CNTLN: variants seen among roughly 807,000 people sequenced by gnomAD.
The protein encoded by CNTLN is centlein.
In CNTLN, 212 loss-of-function variants were observed where a neutral mutation model predicts 180.0. The ratio of observed to expected loss-of-function variants is 1.18; its 90% confidence interval spans 1.05 to 1.32. The LOEUF (loss-of-function observed/expected upper bound fraction) is 1.32. Among genes scored for constraint, CNTLN ranks in the 40% most tolerant of loss-of-function variants. The pLI, the probability that CNTLN is intolerant of heterozygous loss-of-function variation, is 0.00. For missense variants in CNTLN, 2,095 were observed against 1,610.9 expected (o/e 1.30, Z -5.14); for synonymous variants, 722 against 563.1 (o/e 1.28, Z -3.99).
At chr9:17,254,005 A>G (rs1257998203) in intron 5 of CNTLN, among the ~76,000 whole-genome samples, 2 of 151,656 alleles carry the variant, frequency 1.3e-5, no homozygotes, top group Non-Finnish European at 3.0e-5. Flanking sequence ...GAATTTTATC[A>G]TGATTTTTCT....
chr9:17,377,650 G>C (rs2133556654), intron 13 of CNTLN, among the ~76,000 whole-genome samples: 1 of 152,280 alleles, frequency 6.6e-6, no homozygotes, highest in African/African-American at 2.4e-5. Flanking sequence ...TTGAGAATAT[G>C]ATTCAACAGG....
intron 2 of CNTLN, among the ~76,000 whole-genome samples, chr9:17,145,549 A>C (rs989448863): frequency 6.6e-6 from 1 of 152,228 alleles, no homozygotes; most frequent in African/African-American, 2.4e-5. Flanking sequence ...CTTCCTGGAC[A>C]GCATTTCCCC....
At chr9:17,428,372 A>G (rs1564098260) in intron 18 of CNTLN, among the ~76,000 whole-genome samples, 1 of 152,194 alleles carries the variant, frequency 6.6e-6, no homozygotes, top group South Asian at 2.1e-4. Flanking sequence ...CTTTGTGTGC[A>G]ATCATTCATT....
intron 8 of CNTLN, among the ~76,000 whole-genome samples, chr9:17,327,029 A>G (rs1820340526): frequency 6.6e-6 from 1 of 152,152 alleles, no homozygotes; most frequent in Non-Finnish European, 1.5e-5. Flanking sequence ...AGTAATTGTA[A>G]CAAATGTACC....
chr9:17,159,443 G>A (rs1387827198), intron 2 of CNTLN, among the ~76,000 whole-genome samples: 1 of 152,160 alleles, frequency 6.6e-6, no homozygotes, highest in African/African-American at 2.4e-5. Context: ...GCAGCCTAAG[G>A]TTCTCTTGGC....
chr9:17,363,998 T>C (rs1020437941), intron 12 of CNTLN, among the ~76,000 whole-genome samples: 1 of 152,198 alleles, frequency 6.6e-6, no homozygotes, highest in African/African-American at 2.4e-5. Context: ...AGATCTTTAG[T>C]TGTTAGAAGT....
chr9:17,428,634 T>C (rs1236734177), intron 18 of CNTLN, among the ~76,000 whole-genome samples: 3 of 152,126 alleles, frequency 2.0e-5, no homozygotes, highest in Non-Finnish European at 2.9e-5. Flanking sequence ...GACATAATTA[T>C]TCTCATTGAA....
At chr9:17,485,989 A>G (rs181652791) in intron 24 of CNTLN, among the ~76,000 whole-genome samples, 3 of 152,288 alleles carry the variant, frequency 2.0e-5, no homozygotes, top group Non-Finnish European at 2.9e-5. Context: ...TCTGAAGACA[A>G]GAGTACACAG....
chr9:17,516,630 G>A, the CNTLN span, among the ~76,000 whole-genome samples: 1 of 152,058 alleles, frequency 6.6e-6, no homozygotes, highest in Non-Finnish European at 1.5e-5. Flanking sequence ...CCTTTACTTT[G>A]GGTATAGGGT....
intron 2 of CNTLN, among the ~76,000 whole-genome samples, chr9:17,188,544 A>G (rs529683623): frequency 1.3e-5 from 2 of 152,310 alleles, no homozygotes; most frequent in Admixed American, 6.5e-5. Flanking sequence ...GGGAAAGACT[A>G]TGATCCTCAT....
intron 5 of CNTLN, among the ~76,000 whole-genome samples, chr9:17,241,700 AT>A (rs61399132): frequency 4.0e-5 from 6 of 150,692 alleles, no homozygotes; most frequent in East Asian, 2.0e-4. Context: ...ATTTCTTTCC[AT>A]TTTTTTTTGT....
At chr9:17,364,820 T>C (rs1290129457) in intron 12 of CNTLN, among the ~76,000 whole-genome samples, 2 of 152,152 alleles carry the variant, frequency 1.3e-5, no homozygotes, top group Non-Finnish European at 2.9e-5. Context: ...CCAGTTTTTG[T>C]ATTATTTTTG....
rs914156290 is a variant in CNTLN, at chr9:17,445,894, AAAACCCGATT to A, written c.3115-11629_3115-11620del. 8.2e-3 allele frequency among the ~76,000 whole-genome samples: 1,246 copies of A among 152,290 alleles called. 12 individuals are homozygous for A. Among genetic ancestry groups the A allele is most frequent in the African/African-American group, 0.028 (1,146 of 41,552 alleles). ...CCTGGGCAATGGAATGTCCCGGTAT[AAAACCCGATT>A]GTATGCTCCATCTACTGAGATAGGG... On this transcript the variant is annotated intron_variant, in intron 18 of 25. Transcript: ENST00000380647.
chr9:17,479,569 G>T (rs899365406), intron 23 of CNTLN, among the ~76,000 whole-genome samples: 2 of 152,112 alleles, frequency 1.3e-5, no homozygotes, highest in Non-Finnish European at 2.9e-5. Context: ...ATTAATAGGC[G>T]TAAAGTTTCA....
intron 18 of CNTLN, among the ~76,000 whole-genome samples, chr9:17,416,854 G>C (rs1026016482): frequency 6.6e-6 from 1 of 151,996 alleles, no homozygotes; most frequent in Non-Finnish European, 1.5e-5. Flanking sequence ...TGAATGATTT[G>C]TTAGAAAATT....
chr9:17,450,463 G>T (rs1330708880), intron 18 of CNTLN, among the ~76,000 whole-genome samples: 1 of 152,128 alleles, frequency 6.6e-6, no homozygotes, highest in Non-Finnish European at 1.5e-5. Flanking sequence ...AACATGAAAT[G>T]TTAATTTAAC....
chr9:17,326,026 T>C (rs1165672557), intron 8 of CNTLN, among the ~76,000 whole-genome samples: 2 of 152,088 alleles, frequency 1.3e-5, no homozygotes, highest in African/African-American at 4.8e-5. Flanking sequence ...AATAGTAATT[T>C]GTATAACACC....
chr9:17,221,078 C>G (rs1824103085), intron 2 of CNTLN, among the ~76,000 whole-genome samples: 1 of 152,040 alleles, frequency 6.6e-6, no homozygotes, highest in Non-Finnish European at 1.5e-5. Context: ...GTCTTTGTCC[C>G]TGGGTAAATC....
At chr9:17,214,956 A>T (rs1029925830) in intron 2 of CNTLN, among the ~76,000 whole-genome samples, 2 of 152,180 alleles carry the variant, frequency 1.3e-5, no homozygotes, top group Non-Finnish European at 2.9e-5. Flanking sequence ...CCATTTGTCT[A>T]ATCTTTTTTG....
Sources: allele counts gnomAD v4.1 joint callset (sites outside exome capture counted in the v4.1 genomes callset), GRCh38; gene constraint gnomAD v4.1.1; transcripts MANE v1.5; gene names NCBI Gene and HGNC (gene_info 2026-07-23, HGNC 2026-07-21).